AGAP1: variants seen among roughly 807,000 people sequenced by gnomAD.
AGAP1 encodes the protein ArfGAP with GTPase domain, ankyrin repeat and PH domain 1.
Under a neutral mutation model 105.3 loss-of-function variants are expected in AGAP1, and 29 were observed. The observed-to-expected ratio is 0.28, with a 90% CI of 0.21 to 0.38. The LOEUF (loss-of-function observed/expected upper bound fraction) is 0.38, where lower values mean the gene tolerates loss of function less well. Ranked by LOEUF, AGAP1 falls within the 10% of genes least tolerant of loss-of-function variation. The pLI is 1.00. For missense variants in AGAP1, 998 were observed against 1,165.1 expected, an observed-to-expected ratio of 0.86 and a Z score of 2.09; for synonymous variants, 509 against 485.9, an observed-to-expected ratio of 1.05 and a Z score of -0.63.
At position 235,753,381 on chromosome 2, in the gene AGAP1, G is replaced by T. The variant is rs1326111713; in HGVS notation, c.673+2893G>T. On this transcript the variant is annotated intron_variant, in intron 6 of 17. Transcript: ENST00000304032. This position sits in a 1 kb window ranked among gnomAD's most constrained non-coding sequence, Gnocchi z 4.5. ...CACAGGAGATTTCCGTTCCAGTTTCGTATTATAGAAATAATACACTCTCAT... is the reference window on the plus strand; with the variant it reads ...CACAGGAGATTTCCGTTCCAGTTTCTTATTATAGAAATAATACACTCTCAT... Among the ~76,000 whole-genome samples, 1 of 152,060 alleles carries T rather than the reference G, an allele frequency of 6.6e-6. No individual in the cohort carries two copies. The highest frequency in any genetic ancestry group is 1.5e-5 in the Non-Finnish European group (1 of 68,028).
Position 235,639,409 on chromosome 2 carries a change from A to T in AGAP1, c.164-69770A>T, listed in dbSNP as rs903166611. On this transcript the variant is annotated intron_variant, in intron 1 of 17. Transcript: ENST00000304032. This position sits in a 1 kb window ranked among gnomAD's most constrained non-coding sequence, Gnocchi z 5.3. ...GTCGGCCTGCGATAGAACCCGGGGA[A>T]TCCCAGTGTTTCCAGGGTGGGCAGA... Among the ~76,000 whole-genome samples the T allele has an allele frequency of 6.6e-6, 1 of 152,148 alleles. No homozygotes were observed. The highest frequency in any genetic ancestry group is 2.4e-5 in the African/African-American group (1 of 41,452).
intron 12 of AGAP1, among the ~76,000 whole-genome samples, chr2:235,932,759 G>C (rs115353854): frequency 0.015 from 2,239 of 152,304 alleles, 50 homozygotes; most frequent in African/African-American, 0.05. Context: ...AGCTCTTTCT[G>C]TTGAGCTGTA....
Position 235,962,500 on chromosome 2 carries a change from G to A in AGAP1, c.1484-5962G>A, listed in dbSNP as rs1371934277. Among the ~76,000 whole-genome samples the A allele has an allele frequency of 6.6e-6, 1 of 152,132 alleles. No homozygotes were observed. Among genetic ancestry groups the A allele is most frequent in the Non-Finnish European group, 1.5e-5 (1 of 68,030 alleles). ...GGAACTCAGGGCATAGAGGAGCCAC[G>A]GGAGTGAAGGCCTAGTGAGCTGGGG... On this transcript the variant is annotated intron_variant, in intron 12 of 17. Coordinates refer to ENST00000304032, the MANE Select transcript of AGAP1 (RefSeq NM_001037131.3). The surrounding 1 kb of genome is among the most constrained non-coding windows in gnomAD (Gnocchi z 5.3).
At chr2:235,952,772 C>CGGTGCTGAGCCTCACCATCCTGGT (rs374596019) in intron 12 of AGAP1, among the ~76,000 whole-genome samples, 3,897 of 152,140 alleles carry the variant, frequency 0.026, 94 homozygotes, top group South Asian at 0.12. Context: ...TGGTGTCCCT[C>CGGTGCTGAGCCTCACCATCCTGGT]GGTGCTGAGC....
At chr2:235,820,029 G>A (rs551931536) in intron 9 of AGAP1, among the ~76,000 whole-genome samples, 8 of 150,908 alleles carry the variant, frequency 5.3e-5, no homozygotes, top group South Asian at 4.2e-4. Flanking sequence ...TCAGCCTCCC[G>A]GCTAGCTGAG....
chr2:235,696,876 C>T (rs923200013), intron 1 of AGAP1, among the ~76,000 whole-genome samples: 23 of 151,836 alleles, frequency 1.5e-4, no homozygotes, highest in African/African-American at 3.4e-4. Context: ...CCTAGCTACT[C>T]GGGAGGCTGA....
chr2:235,757,488 C>G (rs779660612), intron 6 of AGAP1, among the ~76,000 whole-genome samples: 2 of 152,216 alleles, frequency 1.3e-5, no homozygotes, highest in Non-Finnish European at 2.9e-5. Context: ...GGGTGTTTAT[C>G]TGGTAGAGTA....
intron 9 of AGAP1, among the ~76,000 whole-genome samples, chr2:235,850,611 G>A (rs2106447790): frequency 6.6e-6 from 1 of 152,352 alleles, no homozygotes; most frequent in African/African-American, 2.4e-5. Context: ...GCTGCTGGCA[G>A]GTAGGGCTTT....
At position 235,494,655 on chromosome 2, in the gene AGAP1, G is replaced by A. The variant is rs764652953; in HGVS notation, c.-32G>A. 31 of 1,085,772 alleles carry A rather than the reference G, an allele frequency of 2.9e-5. No individual in the cohort carries two copies. Among genetic ancestry groups the A allele is most frequent in the Admixed American group, 4.4e-5 (1 of 22,670 alleles). The allele number at this position is 1,085,772 out of a possible 1,614,324, so 67.3% of individuals were successfully genotyped here. A position where few individuals can be genotyped will look rare whatever the true frequency, so the allele number is the denominator to read the frequency against. On this transcript the variant is annotated 5_prime_UTR_variant, in exon 1 of 18. Transcript: ENST00000304032. Reference sequence around the variant, plus strand: ...CGGGGCGCGGGGCGGCGGCGGCGGGGGGCGCGCGGCTCCGGGCGCGGCGCC... The same window carrying A: ...CGGGGCGCGGGGCGGCGGCGGCGGGAGGCGCGCGGCTCCGGGCGCGGCGCC...
In AGAP1 at chr2:235,550,749, A is replaced by T. The variant is rs1007071555; in HGVS notation, c.163+55900A>T. On this transcript the variant is annotated intron_variant, in intron 1 of 17. Coordinates refer to ENST00000304032, the MANE Select transcript of AGAP1 (RefSeq NM_001037131.3). The surrounding 1 kb of genome is among the most constrained non-coding windows in gnomAD (Gnocchi z 4.6). ...CTGTGGCCAAAGAGTGAGCTCTTTG[A>T]TGCTGATGAGATAGTGTTTATTTAT... Among the ~76,000 whole-genome samples the T allele has an allele frequency of 5.9e-5, 9 of 152,130 alleles. No individual in the cohort carries two copies. Among genetic ancestry groups the T allele is most frequent in the Non-Finnish European group, 2.9e-5 (2 of 68,018 alleles).
chr2:235,894,707 T>C (rs1260991178), intron 10 of AGAP1, among the ~76,000 whole-genome samples: 2 of 152,180 alleles, frequency 1.3e-5, no homozygotes, highest in East Asian at 3.8e-4. Flanking sequence ...ATTGGAACTT[T>C]GTGGCTTGCA....
chr2:236,097,908 T>A (rs2059235108), intron 16 of AGAP1, among the ~76,000 whole-genome samples: 1 of 152,180 alleles, frequency 6.6e-6, no homozygotes, highest in Non-Finnish European at 1.5e-5. Flanking sequence ...GAGTGGAATC[T>A]TATAGTATGT....
rs909475929 is a variant in AGAP1, at chr2:235,872,978, C to T, written c.1051-10367C>T. On this transcript the variant is annotated intron_variant, in intron 9 of 17. Coordinates refer to ENST00000304032, the MANE Select transcript of AGAP1 (RefSeq NM_001037131.3). The surrounding 1 kb of genome is among the most constrained non-coding windows in gnomAD (Gnocchi z 4.5). The stretch of plus-strand genomic sequence containing the variant: ...GAAAGTCCCCACTGGCTCAGTGCAG[C>T]TCTGGAATTAGGAACCAGCCGTGCC... 1.3e-5 allele frequency among the ~76,000 whole-genome samples: 2 copies of T among 152,182 alleles called. No homozygotes were observed. Among genetic ancestry groups the T allele is most frequent in the Non-Finnish European group, 2.9e-5 (2 of 68,026 alleles).
chr2:235,664,282 G>A lies in AGAP1; in HGVS notation c.164-44897G>A, dbSNP rs531439381. On this transcript the variant is annotated intron_variant, in intron 1 of 17. Coordinates refer to ENST00000304032, the MANE Select transcript of AGAP1 (RefSeq NM_001037131.3). The surrounding 1 kb of genome is among the most constrained non-coding windows in gnomAD (Gnocchi z 5.7). The stretch of plus-strand genomic sequence containing the variant: ...GCTAGAGTGCAGTGGCATGATCTCA[G>A]CTCCCTGCAACCTCTGCCTCCTGGG... Among the ~76,000 whole-genome samples, 1 of 152,064 alleles carries A rather than the reference G, an allele frequency of 6.6e-6. No homozygotes were observed. The highest frequency in any genetic ancestry group is 6.5e-5 in the Admixed American group (1 of 15,282).
At position 235,976,571 on chromosome 2, in the gene AGAP1, C is replaced by T. The variant is rs560653909; in HGVS notation, c.1645+7948C>T. Among the ~76,000 whole-genome samples the T allele has an allele frequency of 1.3e-5, 2 of 152,224 alleles. No individual in the cohort carries two copies. Among genetic ancestry groups the T allele is most frequent in the East Asian group, 1.9e-4 (1 of 5,174 alleles). On this transcript the variant is annotated intron_variant, in intron 13 of 17. Transcript: ENST00000304032. This position sits in a 1 kb window ranked among gnomAD's most constrained non-coding sequence, Gnocchi z 4.5. ...TTTAATTTTTTTAACCACACACAAA[C>T]TTAAAGGGGTTAGATTCAGGTCCAA...
At position 235,953,829 on chromosome 2, in the gene AGAP1, A is replaced by G. The variant is rs1325849783; in HGVS notation, c.1484-14633A>G. Among the ~76,000 whole-genome samples, 1 of 152,214 alleles carries G rather than the reference A, an allele frequency of 6.6e-6. No individual in the cohort carries two copies. The highest frequency in any genetic ancestry group is 1.5e-5 in the Non-Finnish European group (1 of 68,040). ...TCCACGCTCCTTGGGAGGCTGAGGC[A>G]GGAGGATCGCTGGAGCCCCAGGAGT... On this transcript the variant is annotated intron_variant, in intron 12 of 17. Coordinates refer to ENST00000304032, the MANE Select transcript of AGAP1 (RefSeq NM_001037131.3). The surrounding 1 kb of genome is among the most constrained non-coding windows in gnomAD (Gnocchi z 5.2).
At position 235,901,647 on chromosome 2, in the gene AGAP1, A is replaced by G. The variant is rs2051070798; in HGVS notation, c.1156-7091A>G. ...TGTAATCCCAGCACTTTGGGAGGCC[A>G]AGGCGGGTGGGTCACCTGAAGTCAG... is the stretch of plus-strand genomic sequence containing the variant. On this transcript the variant is annotated intron_variant, in intron 10 of 17. Coordinates refer to ENST00000304032, the MANE Select transcript of AGAP1 (RefSeq NM_001037131.3). The surrounding 1 kb of genome is among the most constrained non-coding windows in gnomAD (Gnocchi z 4.3). 6.6e-6 allele frequency among the ~76,000 whole-genome samples: 1 copy of G among 152,134 alleles called. No individual in the cohort carries two copies. The highest frequency in any genetic ancestry group is 2.4e-5 in the African/African-American group (1 of 41,434).
rs1959224350 is a variant in AGAP1, at chr2:235,830,484, C to T, written c.1050+23153C>T. Among the ~76,000 whole-genome samples the T allele has an allele frequency of 6.6e-6, 1 of 152,118 alleles. No homozygotes were observed. On this transcript the variant is annotated intron_variant, in intron 9 of 17. Transcript: ENST00000304032. This position sits in a 1 kb window ranked among gnomAD's most constrained non-coding sequence, Gnocchi z 5.5. ...AAAGTATTCATTTCATTAAACATCC[C>T]ATCAGAAAGCCTCTGATAGAGGGTG... is the stretch of plus-strand genomic sequence containing the variant.
intron 16 of AGAP1, among the ~76,000 whole-genome samples, chr2:236,100,941 C>T (rs969226059): frequency 1.3e-5 from 2 of 152,048 alleles, no homozygotes; most frequent in Non-Finnish European, 2.9e-5. Context: ...GTTGTCATTA[C>T]CCTGGATGGA....
Sources: gnomAD v4.1 joint callset for allele counts (sites outside exome capture counted in the v4.1 genomes callset) on GRCh38, gnomAD v4.1.1 for gene constraint, Gnocchi (gnomAD v3.1) non-coding constraint, MANE v1.5 for transcripts, NCBI Gene and HGNC (gene_info 2026-07-23, HGNC 2026-07-21) for gene names.